The following CDH4 variants were observed in gnomAD, a reference collection of about 807,000 sequenced individuals.
CDH4 encodes the protein cadherin 4, also known as cadherin-4.
A neutral mutation model predicts 86.0 loss-of-function variants in CDH4; 33 were observed. The ratio of observed to expected loss-of-function variants is 0.38; its 90% CI spans 0.29 to 0.51. CDH4 has a LOEUF of 0.51. CDH4 is among the 20% of genes least tolerant of loss of function. The pLI, the probability that CDH4 is intolerant of heterozygous loss-of-function variation, is 0.86. For synonymous variants in CDH4, 555 were observed against 549.4 expected (o/e 1.01, Z -0.14); for missense variants, 1,114 against 1,307.4 (o/e 0.85, Z 2.28).
At chr20:61,458,252 ATGT>A (rs1323622953) in intron 2 of CDH4, among the ~76,000 whole-genome samples, 3 of 150,730 alleles carry the variant, frequency 2.0e-5, no homozygotes, top group Non-Finnish European at 2.9e-5. Flanking sequence ...TATGGTCATG[ATGT>A]TGATGACAGT....
intron 7 of CDH4, among the ~76,000 whole-genome samples, chr20:61,882,164 G>C (rs1443421920): frequency 2.0e-5 from 3 of 152,178 alleles, no homozygotes; most frequent in Non-Finnish European, 4.4e-5. Flanking sequence ...GAAGCAGCCA[G>C]ACCCAGTCCC....
intron 6 of CDH4, among the ~76,000 whole-genome samples, chr20:61,867,561 A>AAAGAG (rs56167173): frequency 3.5e-5 from 5 of 142,102 alleles, no homozygotes; most frequent in Admixed American, 1.4e-4. Flanking sequence ...AAAAAAAAAA[A>AAAGAG]AGAGAGAGAG....
At chr20:61,397,995 C>T (rs538094888) in intron 2 of CDH4, among the ~76,000 whole-genome samples, 44 of 152,306 alleles carry the variant, frequency 2.9e-4, no homozygotes, top group Non-Finnish European at 4.9e-4. Context: ...GACCGCATGC[C>T]GAGCTGCGTG....
chr20:61,616,945 G>T (rs562228794), intron 2 of CDH4, among the ~76,000 whole-genome samples: 1 of 152,196 alleles, frequency 6.6e-6, no homozygotes, highest in Non-Finnish European at 1.5e-5. Context: ...GTGGAGGGGG[G>T]TGACTGGACC....
intron 2 of CDH4, among the ~76,000 whole-genome samples, chr20:61,423,593 T>C (rs1046606100): frequency 6.6e-6 from 1 of 152,100 alleles, no homozygotes; most frequent in Admixed American, 6.5e-5. Flanking sequence ...TTTTGAGAAA[T>C]TGCATTTATA....
At chr20:61,723,559 GAT>G (rs1184069420) in intron 2 of CDH4, among the ~76,000 whole-genome samples, 3 of 152,174 alleles carry the variant, frequency 2.0e-5, no homozygotes, top group African/African-American at 7.2e-5. Context: ...TCACTTTACA[GAT>G]ACCCCAAGCA....
rs934327636 is a variant in CDH4 at position 61,623,117 on chromosome 20, G to C, written c.170-120446G>C. 6.6e-6 allele frequency among the ~76,000 whole-genome samples: 1 copy of C among 152,206 alleles called. No individual in the cohort carries two copies. The highest frequency in any genetic ancestry group is 1.5e-5 in the Non-Finnish European group (1 of 68,036). ...GACATAAGACGTGTGGGTTGGAGAT[G>C]GATGCAGAGAAGTGGAGTTTCCAGA... On this transcript the variant is annotated intron_variant, in intron 2 of 15. Coordinates refer to ENST00000614565, the MANE Select transcript of CDH4 (RefSeq NM_001794.5). This position sits in a 1 kb window ranked among gnomAD's most constrained non-coding sequence, Gnocchi z 4.4.
chr20:61,865,136 G>T (rs1983490316), intron 6 of CDH4, among the ~76,000 whole-genome samples: 1 of 152,084 alleles, frequency 6.6e-6, no homozygotes, highest in African/African-American at 2.4e-5. Flanking sequence ...GCTCTGCCAG[G>T]TACCCCTCCT....
intron 2 of CDH4, among the ~76,000 whole-genome samples, chr20:61,495,869 C>T (rs1208055275): frequency 2.8e-5 from 4 of 143,630 alleles, no homozygotes; most frequent in Admixed American, 7.4e-5. Context: ...TGCCACTGCA[C>T]TCCAGCCTGG....
At chr20:61,726,133 G>A (rs1469472437) in intron 2 of CDH4, among the ~76,000 whole-genome samples, 2 of 152,134 alleles carry the variant, frequency 1.3e-5, no homozygotes, top group African/African-American at 4.8e-5. Context: ...AGTCTCGGGG[G>A]GGACTGTGGT....
chr20:61,362,765 A>C (rs1305481802), intron 2 of CDH4, among the ~76,000 whole-genome samples: 1 of 152,092 alleles, frequency 6.6e-6, no homozygotes, highest in East Asian at 1.9e-4. Flanking sequence ...CTGAGACAGC[A>C]TTAGGGAAGG....
At chr20:61,432,349 A>T (rs1205051647) in intron 2 of CDH4, among the ~76,000 whole-genome samples, 1 of 152,072 alleles carries the variant, frequency 6.6e-6, no homozygotes, top group Non-Finnish European at 1.5e-5. Context: ...GCTTCATTCT[A>T]ATCTCGCTGT....
intron 3 of CDH4, among the ~76,000 whole-genome samples, chr20:61,759,984 T>A (rs1452990498): frequency 6.6e-6 from 1 of 152,232 alleles, no homozygotes; most frequent in Non-Finnish European, 1.5e-5. Flanking sequence ...ACAAGCTCGG[T>A]AGCTTGTCCG....
chr20:61,640,615 C>G (rs1394911583), intron 2 of CDH4, among the ~76,000 whole-genome samples: 3 of 152,092 alleles, frequency 2.0e-5, no homozygotes, highest in Admixed American at 6.5e-5. Context: ...TCACACCCCT[C>G]GAGGAGGAGA....
intron 2 of CDH4, among the ~76,000 whole-genome samples, chr20:61,347,654 C>T (rs1027012380): frequency 1.3e-5 from 2 of 152,156 alleles, no homozygotes; most frequent in South Asian, 2.1e-4. Flanking sequence ...CCTGGAAGTC[C>T]ATTGTTCAGC....
intron 2 of CDH4, among the ~76,000 whole-genome samples, chr20:61,647,063 GA>G (rs1297762104): frequency 6.6e-6 from 1 of 152,212 alleles, no homozygotes; most frequent in Admixed American, 6.5e-5. Flanking sequence ...TTGAGCACAG[GA>G]TGCTTGGAGG....
intron 2 of CDH4, among the ~76,000 whole-genome samples, chr20:61,566,819 C>G (rs2086301622): frequency 6.6e-6 from 1 of 152,146 alleles, no homozygotes; most frequent in African/African-American, 2.4e-5. Context: ...TTATCGGTCA[C>G]TCTCCGGGCT....
rs367827667 is a variant in CDH4 at position 61,680,620 on chromosome 20, G to A, written c.170-62943G>A. 8.4e-4 allele frequency among the ~76,000 whole-genome samples: 128 copies of A among 152,340 alleles called. 4 individuals carry two copies. The South Asian group carries it at 0.021, about 25-fold the overall frequency. On this transcript the variant is annotated intron_variant, in intron 2 of 15. Transcript: ENST00000614565. ...GAGCATCCCCCGAGGATAGAAGGGC[G>A]CCCTGGTGTCCTTTCTAAAGAAATG...
At chr20:61,551,604 C>T (rs985958149) in intron 2 of CDH4, among the ~76,000 whole-genome samples, 1 of 152,208 alleles carries the variant, frequency 6.6e-6, no homozygotes, top group African/African-American at 2.4e-5. Flanking sequence ...CCCACCTAAC[C>T]TTATGCTTGT....
Sources: allele counts gnomAD v4.1 joint callset (sites outside exome capture counted in the v4.1 genomes callset), GRCh38; gene constraint gnomAD v4.1.1; non-coding constraint Gnocchi (gnomAD v3.1); transcripts MANE v1.5; gene names NCBI Gene and HGNC (gene_info 2026-07-23, HGNC 2026-07-21).